ANKRD31: variants seen among roughly 807,000 people sequenced by gnomAD.
The protein encoded by ANKRD31 is ankyrin repeat domain 31.
In ANKRD31, 147 loss-of-function variants were observed where a neutral mutation model predicts 186.0. That is an observed-to-expected ratio of 0.79 (90% CI 0.69 to 0.91). The LOEUF (loss-of-function observed/expected upper bound fraction) is 0.91, where lower values mean the gene tolerates loss of function less well. Among genes scored for constraint, ANKRD31 ranks in the 40% least tolerant of loss-of-function variants. The pLI is 0.00. For missense variants in ANKRD31, 1,986 were observed against 2,148.8 expected, an observed-to-expected ratio of 0.92 and a Z score of 1.50; for synonymous variants, 673 against 736.4, an observed-to-expected ratio of 0.91 and a Z score of 1.39.
chr5:75,097,004 G>A (rs1746383383), intron 22 of ANKRD31, among the ~76,000 whole-genome samples: 1 of 152,040 alleles, frequency 6.6e-6, no homozygotes, highest in South Asian at 2.1e-4. Context: ...CTTTTTTATG[G>A]CTGCATAGTA....
intron 6 of ANKRD31, 111 bp downstream of exon 6, chr5:75,199,520 T>A (rs901250599): frequency 1.5e-6 from 1 of 675,148 alleles, no homozygotes. Flanking sequence ...ACCGAAATGG[T>A]TTAGTAGATG....
At position 75,146,253 on chromosome 5, in the gene ANKRD31, A is replaced by G. The variant is rs1476387552; in HGVS notation, c.3158T>C (p.Ile1053Thr). ...ACAATTCTTTGCCATCTTTTCCACA[A>G]TATGTGTATCTGTTTGATTCATTAA... The part of the protein sequence containing the change: ...TFLMNQTDTH[I>T]VEKMAKNCDT... Residue 1053 changes from isoleucine (I) to threonine (T), a missense_variant, in exon 14 of 26, where the codon ATT becomes ACT. Physicochemically the swap from Ile to Thr is moderately conservative, Grantham distance 89. Coordinates refer to ENST00000506364, the MANE Select transcript of ANKRD31 (RefSeq NM_001372053.1). The G allele has an allele frequency of 5.2e-6, 8 of 1,536,446 alleles. No homozygotes were observed. Among genetic ancestry groups the G allele is most frequent in the Non-Finnish European group, 7.0e-6 (8 of 1,146,426 alleles).
chr5:75,169,624 A>G (rs904279142), intron 10 of ANKRD31, among the ~76,000 whole-genome samples: 2 of 152,226 alleles, frequency 1.3e-5, no homozygotes, highest in Non-Finnish European at 2.9e-5. Context: ...CAAGAAAACC[A>G]GTCATACAGG....
chr5:75,231,800 A>G (rs994587009), intron 1 of ANKRD31, among the ~76,000 whole-genome samples: 1 of 152,092 alleles, frequency 6.6e-6, no homozygotes, highest in African/African-American at 2.4e-5. Flanking sequence ...CCAGCTACTC[A>G]GGAGGCTGAA....
intron 20 of ANKRD31, among the ~76,000 whole-genome samples, chr5:75,108,808 A>C (rs1747540381): frequency 6.6e-6 from 1 of 152,046 alleles, no homozygotes; most frequent in African/African-American, 2.4e-5. Context: ...ATTTAGACAT[A>C]ATTTTGTTCA....
intron 1 of ANKRD31, among the ~76,000 whole-genome samples, chr5:75,234,491 G>T (rs1457052255): frequency 6.6e-6 from 1 of 152,210 alleles, no homozygotes; most frequent in African/African-American, 2.4e-5. Flanking sequence ...CTGCACTATT[G>T]CATTCCAGAC....
At chr5:75,084,217 G>A in intron 24 of ANKRD31, 55 bp downstream of exon 24, 1 of 1,234,806 alleles carries the variant, frequency 8.1e-7, no homozygotes, top group Non-Finnish European at 1.1e-6. Flanking sequence ...TGCTTTTCCA[G>A]TAGGTTTTGG....
At chr5:75,118,329 A>G in intron 17 of ANKRD31, 32 bp from the exon 18 acceptor site, 1 of 1,353,060 alleles carries the variant, frequency 7.4e-7, no homozygotes. Context: ...TTATCTCTAC[A>G]GACACCAAAG....
chr5:75,084,951 C>A (rs1175490022), intron 23 of ANKRD31, among the ~76,000 whole-genome samples: 1 of 152,108 alleles, frequency 6.6e-6, no homozygotes, highest in Non-Finnish European at 1.5e-5. Context: ...TATCTACACA[C>A]AAAAAGGCAG....
intron 10 of ANKRD31, among the ~76,000 whole-genome samples, chr5:75,174,882 T>C (rs1315595254): frequency 2.0e-5 from 3 of 152,220 alleles, no homozygotes; most frequent in Non-Finnish European, 4.4e-5. Flanking sequence ...TTACTGGGTA[T>C]ACACCCAAAG....
intron 25 of ANKRD31, among the ~76,000 whole-genome samples, chr5:75,069,877 A>T (rs4264922): frequency 0.026 from 3,975 of 152,202 alleles, 158 homozygotes; most frequent in African/African-American, 0.091. Context: ...TTAGACTTGA[A>T]CCTGGAAGCA....
At chr5:75,224,903 T>C (rs1797224304) in intron 2 of ANKRD31, among the ~76,000 whole-genome samples, 1 of 152,192 alleles carries the variant, frequency 6.6e-6, no homozygotes, top group Admixed American at 6.5e-5. Flanking sequence ...AGATTTGCTA[T>C]CTTTAATATA....
At chr5:75,071,738 T>C (rs774619130) in intron 25 of ANKRD31, among the ~76,000 whole-genome samples, 14 of 152,090 alleles carry the variant, frequency 9.2e-5, no homozygotes, top group Non-Finnish European at 1.6e-4. Context: ...CCTCAGGTGA[T>C]CTGCCCACCT....
Position 75,146,653 on chromosome 5 carries a change from A to G in ANKRD31, c.2758T>C (p.Cys920Arg), listed in dbSNP as rs1751461419. ...TAGTGTTTTTTGCCACCTGTAGAACACAACACCTTTTTAGATGTTATAGCC... is the reference window on the plus strand; with the variant it reads ...TAGTGTTTTTTGCCACCTGTAGAACGCAACACCTTTTTAGATGTTATAGCC... ...EKAITSKKVL[C>R]STGGKKHYNF... Residue 920 changes from cysteine to arginine, a missense_variant, in exon 14 of 26, where the codon TGT becomes CGT. Physicochemically the swap from Cys to Arg is radical, Grantham distance 180 (BLOSUM62 -3). Coordinates refer to ENST00000506364, the MANE Select transcript of ANKRD31 (RefSeq NM_001372053.1). The G allele has an allele frequency of 1.3e-6, 2 of 1,536,146 alleles. No individual in the cohort carries two copies. Among genetic ancestry groups the G allele is most frequent in the African/African-American group, 2.7e-5 (2 of 72,976 alleles).
chr5:75,196,098 G>T lies in ANKRD31; in HGVS notation c.550C>A (p.Pro184Thr). The T allele has an allele frequency of 6.5e-7, 1 of 1,536,682 alleles. No individual in the cohort carries two copies. Among genetic ancestry groups the T allele is most frequent in the Non-Finnish European group, 8.7e-7 (1 of 1,146,656 alleles). Residue 184 changes from proline (P) to threonine (T), a missense_variant, in exon 7 of 26, where the codon CCA becomes ACA. Transcript: ENST00000506364. ...TTTGGTGCTGCTAAAATCTTCTCTG[G>T]CTCTACTAATGATGTCTCCTTTACA... ...VAVKETSLVE[P>T]EKILAAPNTF...
intron 12 of ANKRD31, among the ~76,000 whole-genome samples, chr5:75,152,852 A>G (rs1751930980): frequency 6.6e-6 from 1 of 151,998 alleles, no homozygotes; most frequent in Non-Finnish European, 1.5e-5. Flanking sequence ...GAGTATAATG[A>G]TTCTAAAAAT....
At chr5:75,166,385 C>T (rs1202067730) in intron 11 of ANKRD31, among the ~76,000 whole-genome samples, 5 of 152,042 alleles carry the variant, frequency 3.3e-5, no homozygotes, top group African/African-American at 1.2e-4. Flanking sequence ...GCACAAGAAG[C>T]GCTTGAGCCT....
In ANKRD31 at chr5:75,193,515, T is replaced by G; in HGVS notation, c.1094A>C (p.Asn365Thr). The stretch of plus-strand genomic sequence containing the variant: ...TGTCACTGAATTTGAATTTCTCTTA[T>G]TACTTAGTGGCTCACAAGAAGTGAT... ...QNITSCEPLS[N>T]KRNSNSVTNS... Residue 365 changes from asparagine to threonine, a missense_variant, in exon 8 of 26, where the codon AAT becomes ACT. Asn to Thr is a moderately conservative substitution (Grantham distance 65). Transcript: ENST00000506364. 1 of 1,537,096 alleles carries G rather than the reference T, an allele frequency of 6.5e-7. No individual in the cohort carries two copies. Among genetic ancestry groups the G allele is most frequent in the Admixed American group, 2.0e-5 (1 of 50,992 alleles).
intron 15 of ANKRD31, among the ~76,000 whole-genome samples, chr5:75,141,096 G>T (rs1486768902): frequency 6.6e-6 from 1 of 152,140 alleles, no homozygotes; most frequent in Non-Finnish European, 1.5e-5. Flanking sequence ...GAGAATCACT[G>T]CATTAAACTT....
Sources: gnomAD v4.1 joint callset for allele counts (sites outside exome capture counted in the v4.1 genomes callset) on GRCh38, gnomAD v4.1.1 for gene constraint, MANE v1.5 for transcripts, NCBI Gene and HGNC (gene_info 2026-07-23, HGNC 2026-07-21) for gene names.